The following SLCO2B1 variants were observed in gnomAD, a reference collection of about 807,000 sequenced individuals.
SLCO2B1 encodes solute carrier organic anion transporter family member 2B1, also known as OATP-RP2.
SLCO2B1 carries 41 observed loss-of-function variants against 67.3 expected under a neutral mutation model. That is an observed-to-expected ratio of 0.61 (90% CI 0.47 to 0.79). SLCO2B1 has a LOEUF of 0.79. Among genes scored for constraint, SLCO2B1 ranks in the 30% least tolerant of loss-of-function variants. The pLI is 0.00. For synonymous variants in SLCO2B1, 379 were observed against 381.4 expected (o/e 0.99, Z 0.07); for missense variants, 837 against 920.1 (o/e 0.91, Z 1.17).
At chr11:75,155,782 A>AGT (rs1949739935) in intron 1 of SLCO2B1, among the ~76,000 whole-genome samples, 1 of 152,198 alleles carries the variant, frequency 6.6e-6, no homozygotes, top group Non-Finnish European at 1.5e-5. Flanking sequence ...TCGAAAGATA[A>AGT]GTGGTTTGCT....
chr11:75,192,863 AG>A (rs1236253838), intron 8 of SLCO2B1, among the ~76,000 whole-genome samples: 1 of 152,118 alleles, frequency 6.6e-6, no homozygotes, highest in East Asian at 1.9e-4. Flanking sequence ...TTAGCCAACA[AG>A]GCAAAACCCA....
chr11:75,163,980 C>T lies in SLCO2B1; in HGVS notation c.165C>T (p.His55=). 1 of 1,602,426 alleles carries T rather than the reference C, an allele frequency of 6.2e-7. No homozygotes were observed. Among genetic ancestry groups the T allele is most frequent in the African/African-American group, 1.3e-5 (1 of 74,628 alleles). Residue 55 remains histidine, a synonymous_variant, in exon 3 of 14, where the codon CAC becomes CAT. Coordinates refer to ENST00000289575, the MANE Select transcript of SLCO2B1 (RefSeq NM_007256.5). Reference sequence around the variant, plus strand: ...CCCCACAGCTGTTCGTTCTGTGCCACAGCCTGCTGCAGCTGGCGCAGCTCA... The same window carrying T: ...CCCCACAGCTGTTCGTTCTGTGCCATAGCCTGCTGCAGCTGGCGCAGCTCA... ...FHNIKLFVLC[H]SLLQLAQLMI...
At chr11:75,158,170 G>A (rs1472114005) in intron 1 of SLCO2B1, among the ~76,000 whole-genome samples, 2 of 152,152 alleles carry the variant, frequency 1.3e-5, no homozygotes, top group Admixed American at 6.5e-5. Context: ...TGACTCCCAG[G>A]CTCAAGTGAT....
intron 7 of SLCO2B1, among the ~76,000 whole-genome samples, chr11:75,183,257 T>C (rs866851078): frequency 5.3e-5 from 8 of 152,180 alleles, no homozygotes; most frequent in Non-Finnish European, 4.4e-5. Context: ...TCATACTAAG[T>C]CTTCAAAATG....
chr11:75,172,616 C>G lies in SLCO2B1; in HGVS notation c.972+47C>G, dbSNP rs767174628. 4 of 1,510,200 alleles carry G rather than the reference C, an allele frequency of 2.6e-6. No individual in the cohort carries two copies. The Admixed American group carries it at 5.2e-5, about 20-fold the overall frequency. The allele number at this position is 1,510,200 out of a possible 1,614,324, so 93.5% of individuals were successfully genotyped here. A position where few individuals can be genotyped will look rare whatever the true frequency, so the allele number is the denominator to read the frequency against. On this transcript the variant is annotated intron_variant, in intron 7 of 13. Transcript: ENST00000289575. ...TGACTGGGTCCAGGCTCCAGCACCA[C>G]CCACTTGTTCTCCTTTGTAACATTA...
At chr11:75,200,591 T>C in intron 11 of SLCO2B1, 1 of 503,954 alleles carries the variant, frequency 2.0e-6, no homozygotes, top group South Asian at 3.4e-5. Context: ...AAATTGAGGC[T>C]CAGAGAAGTT....
chr11:75,164,151 G>A (rs753326824), intron 3 of SLCO2B1, 51 bp downstream of exon 3: 38 of 1,561,114 alleles, frequency 2.4e-5, no homozygotes, highest in Admixed American at 1.7e-4. Context: ...GGCTTGCACC[G>A]CACCTTCCAC....
intron 7 of SLCO2B1, among the ~76,000 whole-genome samples, chr11:75,174,858 C>T (rs1047639605): frequency 6.6e-5 from 10 of 152,278 alleles, no homozygotes; most frequent in East Asian, 1.9e-4. Context: ...TGGGAGACCA[C>T]GCTGGGCTCT....
Position 75,151,356 on chromosome 11 carries a change from C to T in SLCO2B1, c.-26C>T. The stretch of plus-strand genomic sequence containing the variant: ...CCAGGTCCTGAGATTAAATTAGGGG[C>T]TGGAGCTCACTGCACTCCAGCAGTC... On this transcript the variant is annotated 5_prime_UTR_variant, in exon 1 of 14. Coordinates refer to ENST00000289575, the MANE Select transcript of SLCO2B1 (RefSeq NM_007256.5). 6.2e-7 allele frequency: 1 copy of T among 1,611,422 alleles called. No homozygotes were observed. Among genetic ancestry groups the T allele is most frequent in the Non-Finnish European group, 8.5e-7 (1 of 1,178,586 alleles).
intron 7 of SLCO2B1, among the ~76,000 whole-genome samples, chr11:75,184,552 A>G (rs1950127836): frequency 1.3e-5 from 2 of 152,178 alleles, no homozygotes; most frequent in African/African-American, 2.4e-5. Flanking sequence ...AGCAGACATC[A>G]GCATCAGCCC....
chr11:75,193,378 C>A lies in SLCO2B1; in HGVS notation c.1236C>A (p.Leu412=). The change falls in exon 9 of 14, where the codon CTC becomes CTA. Residue 412 remains leucine (L), a synonymous_variant. Transcript: ENST00000289575. The surrounding 1 kb of genome is among the most constrained non-coding windows in gnomAD (Gnocchi z 4.2). Reference sequence around the variant, plus strand: ...TCACAGCCTCCTACGCCAACCTGCTCATCGGCTGCCTCTCCTTCCCTTCGG... The same window carrying A: ...TCACAGCCTCCTACGCCAACCTGCTAATCGGCTGCCTCTCCTTCCCTTCGG... ...FSITASYANL[L]IGCLSFPSVI... 1 of 1,614,226 alleles carries A rather than the reference C, an allele frequency of 6.2e-7. No individual in the cohort carries two copies. Among genetic ancestry groups the A allele is most frequent in the East Asian group, 2.2e-5 (1 of 44,884 alleles).
At chr11:75,191,694 C>T (rs1221452055) in intron 8 of SLCO2B1, among the ~76,000 whole-genome samples, 1 of 152,198 alleles carries the variant, frequency 6.6e-6, no homozygotes, top group African/African-American at 2.4e-5. Context: ...AGAGAATCCC[C>T]ATGGCCCTAC....
chr11:75,186,537 G>C (rs1944935804), intron 7 of SLCO2B1, among the ~76,000 whole-genome samples: 1 of 151,342 alleles, frequency 6.6e-6, no homozygotes, highest in South Asian at 2.1e-4. Flanking sequence ...ATTTTTAGTA[G>C]AGACAAGGTT....
At position 75,169,682 on chromosome 11, in the gene SLCO2B1, G is replaced by T; in HGVS notation, c.699G>T (p.Val233=). The T allele has an allele frequency of 1.2e-6, 2 of 1,613,164 alleles. No individual in the cohort carries two copies. Among genetic ancestry groups the T allele is most frequent in the South Asian group, 2.2e-5 (2 of 90,948 alleles). ...GTGTTGTAGGGATCCTGTTTGCAGTGACCATGATGGGGCCAGGCCTGGCCT... is the reference window on the plus strand; with the variant it reads ...GTGTTGTAGGGATCCTGTTTGCAGTTACCATGATGGGGCCAGGCCTGGCCT... The part of the protein sequence containing the change: ...SPLYLGILFA[V]TMMGPGLAFG... The change falls in exon 6 of 14, where the codon GTG becomes GTT. Residue 233 remains valine, a synonymous_variant. Coordinates refer to ENST00000289575, the MANE Select transcript of SLCO2B1 (RefSeq NM_007256.5).
Position 75,172,406 on chromosome 11 carries a change from C to T in SLCO2B1, c.809C>T (p.Pro270Leu). The part of the protein sequence containing the change: ...EGGISLTIKD[P>L]RWVGAWWLGF... ...GGTATCAGCCTGACCATAAAGGACC[C>T]CCGATGGGTGGGTGCCTGGTGGCTG... The change falls in exon 7 of 14, where the codon CCC becomes CTC. Residue 270 changes from proline to leucine, a missense_variant. Transcript: ENST00000289575. 6.2e-7 allele frequency: 1 copy of T among 1,614,034 alleles called. No homozygotes were observed. The highest frequency in any genetic ancestry group is 1.1e-5 in the South Asian group (1 of 91,048).
chr11:75,162,915 G>A lies in SLCO2B1; in HGVS notation c.147+130G>A. ...TCATCTATAGAATGTGTGGCTGTGAGGATCAAAGGGATGATCTGCGAAAGC... is the reference window on the plus strand; with the variant it reads ...TCATCTATAGAATGTGTGGCTGTGAAGATCAAAGGGATGATCTGCGAAAGC... On this transcript the variant is annotated intron_variant, in intron 2 of 13. Transcript: ENST00000289575. 4 of 1,115,788 alleles carry A rather than the reference G, an allele frequency of 3.6e-6. No individual in the cohort carries two copies. In the South Asian group the frequency reaches 6.4e-5, roughly 18 times the overall value. 69.1% of individuals were successfully genotyped at this position (1,115,788 alleles called of 1,614,324 possible).
chr11:75,174,603 G>A (rs981448639), intron 7 of SLCO2B1, among the ~76,000 whole-genome samples: 2 of 152,226 alleles, frequency 1.3e-5, no homozygotes, highest in African/African-American at 4.8e-5. Flanking sequence ...CAGGGAGTGA[G>A]CAGTTTCAGG....
Position 75,204,717 on chromosome 11 carries a change from A to C in SLCO2B1, c.*137A>C, listed in dbSNP as rs952190577. On this transcript the variant is annotated 3_prime_UTR_variant, in exon 14 of 14. Coordinates refer to ENST00000289575, the MANE Select transcript of SLCO2B1 (RefSeq NM_007256.5). ...CTAAATTGCTGTGTGACTTCAGGCAAGACATTGATCCTCTCTCAGCCTTTG... is the reference window on the plus strand; with the variant it reads ...CTAAATTGCTGTGTGACTTCAGGCACGACATTGATCCTCTCTCAGCCTTTG... 1 of 700,694 alleles carries C rather than the reference A, an allele frequency of 1.4e-6. No individual in the cohort carries two copies. The highest frequency in any genetic ancestry group is 3.4e-5 in the Admixed American group (1 of 29,592). The allele number at this position is 700,694 out of a possible 1,614,324, so 43.4% of individuals were successfully genotyped here.
chr11:75,178,567 T>C (rs931984517), intron 7 of SLCO2B1, among the ~76,000 whole-genome samples: 1 of 152,262 alleles, frequency 6.6e-6, no homozygotes, highest in African/African-American at 2.4e-5. Flanking sequence ...TTGATCTATG[T>C]ATGCATTGGG....
Sources: allele counts gnomAD v4.1 joint callset (sites outside exome capture counted in the v4.1 genomes callset), GRCh38; gene constraint gnomAD v4.1.1; non-coding constraint Gnocchi (gnomAD v3.1); transcripts MANE v1.5; gene names NCBI Gene and HGNC (gene_info 2026-07-23, HGNC 2026-07-21).